ARHGAP8: variants seen among roughly 807,000 people sequenced by gnomAD.
ARHGAP8 encodes Rho GTPase activating protein 8, also known as rho GTPase-activating protein 8.
Under a neutral mutation model 46.1 loss-of-function variants are expected in ARHGAP8, and 62 were observed. The observed-to-expected ratio is 1.34, with a 90% CI of 1.10 to 1.66. ARHGAP8 has a LOEUF of 1.66. Ranked by LOEUF, ARHGAP8 falls within the 40% of genes most tolerant of loss-of-function variation. The pLI, the probability that ARHGAP8 is intolerant of heterozygous loss-of-function variation, is 0.00. For synonymous variants in ARHGAP8, 375 were observed against 243.1 expected (o/e 1.54, Z -5.05); for missense variants, 923 against 568.4 (o/e 1.62, Z -6.34).
intron 10 of ARHGAP8, among the ~76,000 whole-genome samples, chr22:44,858,734 T>TGGGGG (rs562188438): frequency 8.2e-4 from 97 of 118,858 alleles, no homozygotes; most frequent in African/African-American, 2.8e-3. Context: ...TAAGGGTAAC[T>TGGGGG]GGGGGGTCTC....
At chr22:44,861,346 C>G (rs531389717) in intron 11 of ARHGAP8, among the ~76,000 whole-genome samples, 3 of 152,180 alleles carry the variant, frequency 2.0e-5, no homozygotes, top group South Asian at 2.1e-4. Flanking sequence ...GTGAATGCAC[C>G]TGGTGGGGTG....
rs555548518 is a variant in ARHGAP8 at position 44,789,398 on chromosome 22, G to A, written c.79+2792G>A. ...ACTCCTGACCTCAGGTGATCCGCCC[G>A]CCTCAGCCTCCCAAAGTGCTGGGAT... On this transcript the variant is annotated intron_variant, in intron 2 of 11. Coordinates refer to ENST00000356099, the MANE Select transcript of ARHGAP8 (RefSeq NM_181335.3). 5.3e-4 allele frequency among the ~76,000 whole-genome samples: 81 copies of A among 152,230 alleles called. No homozygotes were observed. In the South Asian group the frequency reaches 8.5e-3, roughly 16 times the overall value.
intron 4 of ARHGAP8, among the ~76,000 whole-genome samples, chr22:44,812,843 TCTC>T (rs751999379): frequency 2.0e-5 from 3 of 152,170 alleles, no homozygotes; most frequent in Non-Finnish European, 1.5e-5. Flanking sequence ...AGCTTTTTCT[TCTC>T]CTCACTTATT....
intron 1 of ARHGAP8, among the ~76,000 whole-genome samples, chr22:44,774,812 G>C (rs1264123285): frequency 6.6e-6 from 1 of 151,586 alleles, no homozygotes; most frequent in African/African-American, 2.4e-5. Context: ...GTGAGCCACC[G>C]TGCCTGGCCT....
At chr22:44,758,649 C>T (rs1267603637) in intron 1 of ARHGAP8, among the ~76,000 whole-genome samples, 1 of 147,574 alleles carries the variant, frequency 6.8e-6, no homozygotes, top group Non-Finnish European at 1.5e-5. Flanking sequence ...GTGCAAAGGC[C>T]GTGAGGTGGC....
chr22:44,840,239 C>T (rs1427078649), intron 7 of ARHGAP8, among the ~76,000 whole-genome samples: 1 of 152,182 alleles, frequency 6.6e-6, no homozygotes, highest in East Asian at 1.9e-4. Context: ...CTTAAAGTAA[C>T]ACATATTTAT....
chr22:44,825,633 G>T, intron 7 of ARHGAP8, 40 bp downstream of exon 7: 1 of 1,581,328 alleles, frequency 6.3e-7, no homozygotes. Flanking sequence ...ATGCCCTGGA[G>T]CCCTGGGAGC....
intron 1 of ARHGAP8, among the ~76,000 whole-genome samples, chr22:44,764,925 C>T (rs1925436659): frequency 6.6e-6 from 1 of 152,220 alleles, no homozygotes. Context: ...GCTGTTGCTA[C>T]ACAAGGCCCG....
At chr22:44,768,854 T>A (rs1430735878) in intron 1 of ARHGAP8, among the ~76,000 whole-genome samples, 1 of 151,226 alleles carries the variant, frequency 6.6e-6, no homozygotes, top group Non-Finnish European at 1.5e-5. Context: ...TTTTTTTTTT[T>A]TCAAGACAGA....
In ARHGAP8 at chr22:44,769,877, G is replaced by C. The variant is rs574638394; in HGVS notation, c.-71-16580G>C. ...GTCTCCTTGAAAATTCAGAGGCTAG[G>C]GTTTCTCAAGGATATTTTGGCAGGC... On this transcript the variant is annotated intron_variant, in intron 1 of 11. Coordinates refer to ENST00000356099, the MANE Select transcript of ARHGAP8 (RefSeq NM_181335.3). Among the ~76,000 whole-genome samples the C allele has an allele frequency of 2.0e-5, 3 of 152,248 alleles. No homozygotes were observed. The East Asian group carries it at 5.8e-4, about 29-fold the overall frequency.
At position 44,848,047 on chromosome 22, in the gene ARHGAP8, C is replaced by T. The variant is rs1601517349; in HGVS notation, c.745C>T (p.Gln249Ter). The T allele has an allele frequency of 6.2e-7, 1 of 1,606,436 alleles. No homozygotes were observed. Among genetic ancestry groups the T allele is most frequent in the South Asian group, 1.1e-5 (1 of 91,090 alleles). ...CCGCGAGATCCAGAGGCTCTACAAC[C>T]AAGGTGAGGGTGTCCCGCAGTCCTG... ...TVREIQRLYNQGKPVNFDDYG... is the reference protein window; with the variant it reads ...TVREIQRLYN Residue 249 changes from glutamine (Q) to a stop codon, truncating the protein, a stop_gained, in exon 9 of 12, where the codon CAA becomes TAA. Coordinates refer to ENST00000356099, the MANE Select transcript of ARHGAP8 (RefSeq NM_181335.3). LOFTEE classifies it high-confidence loss of function.
rs774215965 is a variant in ARHGAP8 at position 44,860,052 on chromosome 22, C to G, written c.981+218C>G. Among the ~76,000 whole-genome samples the G allele has an allele frequency of 1.1e-4, 17 of 151,928 alleles. No homozygotes were observed. In the East Asian group the frequency reaches 1.2e-3, roughly 10 times the overall value. On this transcript the variant is annotated intron_variant, in intron 11 of 11. Coordinates refer to ENST00000356099, the MANE Select transcript of ARHGAP8 (RefSeq NM_181335.3). Reference sequence around the variant, plus strand: ...CCTGTCAGACAGGGCGTACCTGCCCCTGCCTGCTCCTGTACCTGCTGTCCC... The same window carrying G: ...CCTGTCAGACAGGGCGTACCTGCCCGTGCCTGCTCCTGTACCTGCTGTCCC...
In ARHGAP8 at chr22:44,835,949, C is replaced by T. The variant is rs115053222; in HGVS notation, c.597-9320C>T. On this transcript the variant is annotated intron_variant, in intron 7 of 11. Transcript: ENST00000356099. ...GGAGACTATACAATCCTTCTCTTTG[C>T]GATCGGCCTCCAGGGTGGGACACTG... Among the ~76,000 whole-genome samples, 1,358 of 152,270 alleles carry T rather than the reference C, an allele frequency of 8.9e-3. 21 individuals carry two copies. Among genetic ancestry groups the T allele is most frequent in the African/African-American group, 0.03 (1,245 of 41,552 alleles).
chr22:44,829,847 A>C (rs1930813943), intron 7 of ARHGAP8, among the ~76,000 whole-genome samples: 1 of 152,188 alleles, frequency 6.6e-6, no homozygotes, highest in African/African-American at 2.4e-5. Flanking sequence ...AATATATTAA[A>C]GGGAAGTCAA....
At chr22:44,806,638 G>A (rs1447103878) in intron 3 of ARHGAP8, among the ~76,000 whole-genome samples, 1 of 152,102 alleles carries the variant, frequency 6.6e-6, no homozygotes, top group Non-Finnish European at 1.5e-5. Context: ...TTTTGTCAGA[G>A]GGCACTCTGA....
At chr22:44,858,755 C>T (rs1209750258) in intron 10 of ARHGAP8, among the ~76,000 whole-genome samples, 3 of 142,082 alleles carry the variant, frequency 2.1e-5, no homozygotes, top group South Asian at 2.2e-4. Context: ...AGAGTGGGGG[C>T]CAGTTGCATC....
chr22:44,769,148 T>C (rs1245992087), intron 1 of ARHGAP8, among the ~76,000 whole-genome samples: 1 of 152,258 alleles, frequency 6.6e-6, no homozygotes, highest in East Asian at 1.9e-4. Flanking sequence ...GCCACTGCTC[T>C]GGGCTGTGTT....
chr22:44,829,445 T>C (rs1264087113), intron 7 of ARHGAP8, among the ~76,000 whole-genome samples: 1 of 152,226 alleles, frequency 6.6e-6, no homozygotes, highest in African/African-American at 2.4e-5. Flanking sequence ...CCCTGCATTC[T>C]GAGCAGGTGC....
intron 1 of ARHGAP8, among the ~76,000 whole-genome samples, chr22:44,764,772 T>C (rs1925422379): frequency 6.6e-6 from 1 of 152,214 alleles, no homozygotes; most frequent in Non-Finnish European, 1.5e-5. Context: ...CGTCAGTCAG[T>C]GTTCTCCAGG....
Sources: allele counts gnomAD v4.1 joint callset (sites outside exome capture counted in the v4.1 genomes callset), GRCh38; gene constraint gnomAD v4.1.1; transcripts MANE v1.5; gene names NCBI Gene and HGNC (gene_info 2026-07-23, HGNC 2026-07-21).